Variants in SLC24A3 observed in about 807,000 individuals in gnomAD.
SLC24A3 encodes sodium/potassium/calcium exchanger 3.
SLC24A3 carries 28 observed loss-of-function variants against 75.8 expected under a neutral mutation model. The ratio of observed to expected loss-of-function variants is 0.37; its 90% CI spans 0.27 to 0.51. The LOEUF (loss-of-function observed/expected upper bound fraction) is 0.51. SLC24A3 is among the 20% of genes least tolerant of loss of function. The probability of loss-of-function intolerance (pLI) is 0.94; values close to 1 mark genes in which losing one functional copy is unlikely to be tolerated. For missense variants in SLC24A3, 663 were observed against 847.8 expected (o/e 0.78, Z 2.71); for synonymous variants, 372 against 334.1 (o/e 1.11, Z -1.24).
intron 1 of SLC24A3, among the ~76,000 whole-genome samples, chr20:19,271,626 G>A (rs142104889): frequency 1.1e-3 from 160 of 152,342 alleles, no homozygotes; most frequent in African/African-American, 3.8e-3. Context: ...AGAAAATATG[G>A]TATATATGCA....
chr20:19,438,072 A>C (rs1987237528), intron 2 of SLC24A3, among the ~76,000 whole-genome samples: 1 of 152,280 alleles, frequency 6.6e-6, no homozygotes, highest in Middle Eastern at 3.4e-3. Context: ...CACTTCCTCA[A>C]GGTCCCCTGT....
chr20:19,218,036 G>A (rs914910588), intron 1 of SLC24A3, among the ~76,000 whole-genome samples: 4 of 152,074 alleles, frequency 2.6e-5, no homozygotes, highest in East Asian at 1.9e-4. Context: ...TGAACTTTCC[G>A]TACCTCTGTA....
intron 2 of SLC24A3, among the ~76,000 whole-genome samples, chr20:19,417,533 T>C (rs1986848735): frequency 6.6e-6 from 1 of 152,168 alleles, no homozygotes; most frequent in Non-Finnish European, 1.5e-5. Flanking sequence ...AGACACCAAC[T>C]AGAAGCAAGC....
chr20:19,586,740 G>A (rs1481496603), intron 6 of SLC24A3, among the ~76,000 whole-genome samples: 1 of 152,146 alleles, frequency 6.6e-6, no homozygotes, highest in Non-Finnish European at 1.5e-5. Flanking sequence ...GACACGCAGA[G>A]GGACACCTGG....
At chr20:19,553,107 T>G (rs1447157582) in intron 3 of SLC24A3, among the ~76,000 whole-genome samples, 1 of 121,174 alleles carries the variant, frequency 8.3e-6, no homozygotes, top group African/African-American at 2.9e-5. Context: ...CCTTCCTTCC[T>G]TCCTTCCTGT....
In SLC24A3 at chr20:19,381,392, G is replaced by A. The variant is rs115052495; in HGVS notation, c.271+100305G>A. 3.1e-3 allele frequency among the ~76,000 whole-genome samples: 471 copies of A among 152,292 alleles called. 5 individuals carry two copies. Among genetic ancestry groups the A allele is most frequent in the African/African-American group, 0.011 (438 of 41,550 alleles). On this transcript the variant is annotated intron_variant, in intron 2 of 16. Coordinates refer to ENST00000328041, the MANE Select transcript of SLC24A3 (RefSeq NM_020689.4). ...GAAACACAAAGCAGGATAAAGAGATGGAGAATGATGGATAAGATGATCTGG... is the reference window on the plus strand; with the variant it reads ...GAAACACAAAGCAGGATAAAGAGATAGAGAATGATGGATAAGATGATCTGG...
chr20:19,593,291 C>T (rs1325974222), intron 6 of SLC24A3, among the ~76,000 whole-genome samples: 1 of 152,186 alleles, frequency 6.6e-6, no homozygotes, highest in Admixed American at 6.5e-5. Flanking sequence ...GCTAATTGAA[C>T]CAAAGCCAGG....
intron 3 of SLC24A3, among the ~76,000 whole-genome samples, chr20:19,570,591 T>C (rs915263694): frequency 6.6e-6 from 1 of 152,308 alleles, no homozygotes; most frequent in East Asian, 1.9e-4. Context: ...TAAAGTGATA[T>C]AGTAACATAG....
At chr20:19,604,081 T>C (rs913756760) in intron 6 of SLC24A3, among the ~76,000 whole-genome samples, 3 of 152,170 alleles carry the variant, frequency 2.0e-5, no homozygotes, top group Non-Finnish European at 2.9e-5. Context: ...GGCTCGGGGA[T>C]ATGATGGTGA....
chr20:19,572,764 C>G (rs1363137198), intron 3 of SLC24A3, among the ~76,000 whole-genome samples: 1 of 152,172 alleles, frequency 6.6e-6, no homozygotes, highest in Non-Finnish European at 1.5e-5. Flanking sequence ...TGACTAGAAT[C>G]AATGAATGGT....
At chr20:19,523,296 G>A (rs891280452) in intron 3 of SLC24A3, among the ~76,000 whole-genome samples, 2 of 152,160 alleles carry the variant, frequency 1.3e-5, no homozygotes, top group South Asian at 2.1e-4. Context: ...TCACTTGCAG[G>A]GCAGACGTGT....
intron 2 of SLC24A3, among the ~76,000 whole-genome samples, chr20:19,384,165 T>C (rs1395393161): frequency 1.3e-5 from 2 of 152,192 alleles, no homozygotes; most frequent in Non-Finnish European, 2.9e-5. Flanking sequence ...CTCACATAGT[T>C]AGCATTTTTG....
intron 2 of SLC24A3, among the ~76,000 whole-genome samples, chr20:19,487,598 T>G (rs544000663): frequency 4.3e-4 from 65 of 152,288 alleles, no homozygotes; most frequent in African/African-American, 1.4e-3. Flanking sequence ...CAAAGCTCTC[T>G]GAAGAACTGA....
At chr20:19,352,860 A>G (rs902525732) in intron 2 of SLC24A3, among the ~76,000 whole-genome samples, 13 of 152,236 alleles carry the variant, frequency 8.5e-5, no homozygotes, top group Admixed American at 5.9e-4. Context: ...TTTGTCAATG[A>G]TGGACCACTT....
intron 15 of SLC24A3, among the ~76,000 whole-genome samples, chr20:19,700,451 TCCACATAAGTTACATGTAC>T (rs1251927753): frequency 6.6e-6 from 1 of 152,180 alleles, no homozygotes; most frequent in Non-Finnish European, 1.5e-5. Context: ...CATCCCACTG[TCCACATAAGTTACATGTAC>T]CCACTTGGAT....
rs138059534 is a variant in SLC24A3 at position 19,654,005 on chromosome 20, C to T, written c.613-57C>T. On this transcript the variant is annotated intron_variant, in intron 6 of 16. Transcript: ENST00000328041. ...AAGCTGGCTAAACCTGCAAGAGTCC[C>T]GCCATCTCATTTGTACAGTCTATAT... The T allele has an allele frequency of 6.3e-5, 92 of 1,454,106 alleles. No homozygotes were observed. The African/African-American group carries it at 7.6e-4, about 12-fold the overall frequency. The allele number at this position is 1,454,106 out of a possible 1,614,324, so 90.1% of individuals were successfully genotyped here.
intron 2 of SLC24A3, among the ~76,000 whole-genome samples, chr20:19,349,120 A>G (rs1985505886): frequency 6.6e-6 from 1 of 152,158 alleles, no homozygotes; most frequent in African/African-American, 2.4e-5. Context: ...AAATTGTAAG[A>G]TGCTTTTTCC....
At chr20:19,600,158 G>A (rs1291321352) in intron 6 of SLC24A3, among the ~76,000 whole-genome samples, 2 of 152,056 alleles carry the variant, frequency 1.3e-5, no homozygotes, top group African/African-American at 4.8e-5. Flanking sequence ...CCCAAACAGG[G>A]GTTGATCTCC....
At chr20:19,602,764 G>A in intron 6 of SLC24A3, among the ~76,000 whole-genome samples, 1 of 152,158 alleles carries the variant, frequency 6.6e-6, no homozygotes, top group East Asian at 1.9e-4. Flanking sequence ...TCTGTCCAGA[G>A]GAGGCCTGTC....
Sources: allele counts gnomAD v4.1 joint callset (sites outside exome capture counted in the v4.1 genomes callset), GRCh38; gene constraint gnomAD v4.1.1; transcripts MANE v1.5; gene names NCBI Gene and HGNC (gene_info 2026-07-23, HGNC 2026-07-21).